RBL1: variants seen among roughly 807,000 people sequenced by gnomAD.
RBL1 encodes the protein RB transcriptional corepressor like 1, also known as retinoblastoma-like protein 1.
RBL1 carries 82 observed loss-of-function variants against 123.0 expected under a neutral mutation model. The ratio of observed to expected loss-of-function variants is 0.67; its 90% CI spans 0.56 to 0.80. RBL1 has a LOEUF of 0.80. RBL1 is among the 30% of genes least tolerant of loss of function. The probability of loss-of-function intolerance (pLI) is 0.00; values close to 1 mark genes in which losing one functional copy is unlikely to be tolerated. For missense variants in RBL1, 1,171 were observed against 1,299.6 expected, an observed-to-expected ratio of 0.90 and a Z score of 1.52; for synonymous variants, 405 against 441.3, an observed-to-expected ratio of 0.92 and a Z score of 1.03.
intron 21 of RBL1, among the ~76,000 whole-genome samples, chr20:37,002,307 G>A (rs954419903): frequency 2.7e-5 from 4 of 147,096 alleles, no homozygotes; most frequent in Non-Finnish European, 6.0e-5. Flanking sequence ...TAGAATTACA[G>A]GTGTGAGCCA....
At chr20:37,022,949 C>T (rs1293427119) in intron 16 of RBL1, 123 bp from the exon 17 acceptor site, 4 of 768,250 alleles carry the variant, frequency 5.2e-6, no homozygotes, top group East Asian at 2.7e-5. Context: ...AATAAAATTT[C>T]TGTTCTATAG....
chr20:37,067,776 A>C (rs1176312362), intron 3 of RBL1, among the ~76,000 whole-genome samples: 1 of 150,994 alleles, frequency 6.6e-6, no homozygotes, highest in Non-Finnish European at 1.5e-5. Context: ...CAAAAAAAAA[A>C]AAAAAAAAAA....
intron 11 of RBL1, among the ~76,000 whole-genome samples, chr20:37,052,008 G>T (rs1369643872): frequency 2.0e-5 from 3 of 151,590 alleles, no homozygotes; most frequent in Admixed American, 6.6e-5. Flanking sequence ...GGACAGAGAG[G>T]AACATTTTAT....
intron 15 of RBL1, among the ~76,000 whole-genome samples, chr20:37,033,182 T>C (rs2064542675): frequency 6.7e-6 from 1 of 148,392 alleles, no homozygotes; most frequent in Non-Finnish European, 1.5e-5. Flanking sequence ...CTATGCCTGG[T>C]AAATTTTTTT....
At chr20:37,067,843 G>T in intron 3 of RBL1, 143 bp downstream of exon 3, 2 of 829,060 alleles carry the variant, frequency 2.4e-6, no homozygotes, top group Non-Finnish European at 3.5e-6. Context: ...TTCCAAATAT[G>T]GATAATTGTA....
intron 1 of RBL1, among the ~76,000 whole-genome samples, chr20:37,091,076 G>T (rs1006263126): frequency 6.6e-6 from 1 of 152,158 alleles, no homozygotes; most frequent in African/African-American, 2.4e-5. Flanking sequence ...ATTACGGATA[G>T]GCCGGTGCGG....
chr20:37,064,418 A>G (rs112799862), intron 7 of RBL1, among the ~76,000 whole-genome samples: 3,484 of 151,724 alleles, frequency 0.023, 127 homozygotes, highest in African/African-American at 0.08. Context: ...TTATAGGCAT[A>G]AGCCATTGCA....
At chr20:36,999,108 G>A (rs1289947577) in intron 21 of RBL1, among the ~76,000 whole-genome samples, 179 bp from the exon 22 acceptor site, 1 of 152,074 alleles carries the variant, frequency 6.6e-6, no homozygotes, top group Admixed American at 6.6e-5. Flanking sequence ...AATCTTTTCA[G>A]GTGGTTTAAA....
intron 2 of RBL1, among the ~76,000 whole-genome samples, chr20:37,073,758 C>T (rs567467131): frequency 6.8e-6 from 1 of 147,200 alleles, no homozygotes; most frequent in East Asian, 2.0e-4. Context: ...GCAGCATGTA[C>T]CTGTAGTCCC....
chr20:37,033,018 CTTTT>C (rs11311040), intron 15 of RBL1, 142 bp from the exon 16 acceptor site: 4,271 of 894,330 alleles, frequency 4.8e-3, no homozygotes, highest in Middle Eastern at 6.5e-3. Context: ...TGACTGAATT[CTTTT>C]TTTTTTTTTT....
rs1371977912 is a variant in RBL1, at chr20:37,069,850, GGGTCAGCCCCCCGCCC to G, written c.291-1680_291-1665del. On this transcript the variant is annotated intron_variant, in intron 2 of 21. Transcript: ENST00000373664. ...CGCCCTGTCCGGGAGGGAGGTGGGG[GGGTCAGCCCCCCGCCC>G]GGCCAGCCGCCCCGTCCAGGAGGTG... Among the ~76,000 whole-genome samples the G allele has an allele frequency of 3.9e-4, 59 of 150,980 alleles. 1 individual carries two copies. In the South Asian group the frequency reaches 8.4e-3, roughly 21 times the overall value.
At chr20:37,005,877 CTTTTTTTTT>C (rs1240843484) in intron 20 of RBL1, among the ~76,000 whole-genome samples, 1 of 106,340 alleles carries the variant, frequency 9.4e-6, no homozygotes, top group African/African-American at 4.3e-5. Context: ...GCCTTCTTTT[CTTTTTTTTT>C]TTTCTTTCTT....
intron 2 of RBL1, among the ~76,000 whole-genome samples, chr20:37,081,360 C>T (rs567157848): frequency 2.0e-5 from 3 of 152,170 alleles, no homozygotes; most frequent in East Asian, 1.9e-4. Context: ...TTGGCTGGTG[C>T]GGTGGCTCAC....
At chr20:37,093,191 G>C (rs1369448728) in intron 1 of RBL1, among the ~76,000 whole-genome samples, 1 of 152,144 alleles carries the variant, frequency 6.6e-6, no homozygotes, top group East Asian at 1.9e-4. Flanking sequence ...AGGTAGACTA[G>C]AGAGGGGTAG....
intron 18 of RBL1, among the ~76,000 whole-genome samples, chr20:37,020,214 G>A (rs1024757073): frequency 1.3e-5 from 2 of 151,104 alleles, no homozygotes; most frequent in African/African-American, 2.4e-5. Flanking sequence ...TCAGCCTCCC[G>A]AGTAGCAGGG....
At chr20:37,085,390 C>A (rs2065525578) in intron 2 of RBL1, among the ~76,000 whole-genome samples, 1 of 152,186 alleles carries the variant, frequency 6.6e-6, no homozygotes, top group East Asian at 1.9e-4. Flanking sequence ...CCCGCCTCAG[C>A]CTCCCAAAGT....
chr20:37,004,014 C>T, intron 20 of RBL1, 148 bp from the exon 21 acceptor site: 2 of 521,370 alleles, frequency 3.8e-6, no homozygotes, highest in Non-Finnish European at 3.0e-6. Flanking sequence ...TGATCCTTTA[C>T]TTCTTCTTTT....
rs141302544 is a variant in RBL1, at chr20:37,040,067, C to G, written c.1903+86G>C. 689 of 1,557,114 alleles carry G rather than the reference C, an allele frequency of 4.4e-4. 9 individuals are homozygous for G. The East Asian group carries it at 0.015, about 34-fold the overall frequency. ...CTGAATAAATTAGATTTCTTAATAA[C>G]ATACTCACAAGACTTAAAATTTTCC... On this transcript the variant is annotated intron_variant, in intron 14 of 21. Coordinates refer to ENST00000373664, the MANE Select transcript of RBL1 (RefSeq NM_002895.5).
At position 36,998,261 on chromosome 20, in the gene RBL1, C is replaced by G. The variant is rs1191419067; in HGVS notation, c.*498G>C. 1 of 151,856 alleles carries G rather than the reference C, an allele frequency of 6.6e-6. No homozygotes were observed. Among genetic ancestry groups the G allele is most frequent in the East Asian group, 1.9e-4 (1 of 5,186 alleles). 9.4% of individuals were successfully genotyped at this position (151,856 alleles called of 1,614,324 possible). A position where few individuals can be genotyped will look rare whatever the true frequency, so the allele number is the denominator to read the frequency against. On this transcript the variant is annotated 3_prime_UTR_variant, in exon 22 of 22. Transcript: ENST00000373664. ...ATATTTTTTGAGATGGAGTTTTACT[C>G]TTGTTGCCCAGGCTGGAGTGCAGTG...
Sources: gnomAD v4.1 joint callset for allele counts (sites outside exome capture counted in the v4.1 genomes callset) on GRCh38, gnomAD v4.1.1 for gene constraint, MANE v1.5 for transcripts, NCBI Gene and HGNC (gene_info 2026-07-23, HGNC 2026-07-21) for gene names.